Variants in TBXAS1 observed in about 807,000 individuals in gnomAD.
TBXAS1 encodes thromboxane A synthase 1.
TBXAS1 carries 48 observed loss-of-function variants against 60.7 expected under a neutral mutation model. The observed-to-expected ratio is 0.79, with a 90% CI of 0.63 to 1.01. The LOEUF (loss-of-function observed/expected upper bound fraction) is 1.01. Among genes scored for constraint, TBXAS1 ranks in the 50% least tolerant of loss-of-function variants. The pLI is 0.00. For missense variants in TBXAS1, 685 were observed against 686.3 expected, an observed-to-expected ratio of 1.00 and a Z score of 0.02; for synonymous variants, 287 against 269.7, an observed-to-expected ratio of 1.06 and a Z score of -0.63.
At chr7:139,870,112 G>A (rs1801713597) in intron 1 of TBXAS1, among the ~76,000 whole-genome samples, 1 of 152,208 alleles carries the variant, frequency 6.6e-6, no homozygotes, top group African/African-American at 2.4e-5. Context: ...TTTGAGTCGA[G>A]GCTGCAAAGG....
chr7:139,858,050 T>C (rs1585648473), intron 1 of TBXAS1, among the ~76,000 whole-genome samples: 1 of 152,274 alleles, frequency 6.6e-6, no homozygotes, highest in Admixed American at 6.5e-5. Context: ...TGAATTTTCT[T>C]GGGGGTGGGA....
At chr7:139,964,044 T>C (rs1292792694) in intron 9 of TBXAS1, among the ~76,000 whole-genome samples, 2 of 152,172 alleles carry the variant, frequency 1.3e-5, no homozygotes, top group East Asian at 3.9e-4. Context: ...GAAAGAGTCA[T>C]GAGGGTCACT....
intron 9 of TBXAS1, among the ~76,000 whole-genome samples, chr7:139,971,313 T>C (rs1425443991): frequency 6.6e-6 from 1 of 152,054 alleles, no homozygotes. Context: ...ATCTTGGAAG[T>C]TAAGTTTTGT....
intron 9 of TBXAS1, among the ~76,000 whole-genome samples, chr7:139,995,051 A>T (rs972123856): frequency 4.6e-5 from 7 of 152,146 alleles, no homozygotes; most frequent in Non-Finnish European, 8.8e-5. Context: ...AGGCCCTCAG[A>T]TGAGACATTT....
intron 9 of TBXAS1, among the ~76,000 whole-genome samples, chr7:139,994,863 G>A (rs888025750): frequency 3.3e-5 from 5 of 152,188 alleles, no homozygotes; most frequent in East Asian, 1.9e-4. Context: ...TAAATCCATC[G>A]GTGGTCTGCT....
At position 139,955,627 on chromosome 7, in the gene TBXAS1, G is replaced by A. The variant is rs756084929; in HGVS notation, c.688+20G>A. 10 of 1,613,240 alleles carry A rather than the reference G, an allele frequency of 6.2e-6. No homozygotes were observed. Among genetic ancestry groups the A allele is most frequent in the Middle Eastern group, 1.6e-4 (1 of 6,082 alleles). On this transcript the variant is annotated intron_variant, in intron 7 of 12. Coordinates refer to ENST00000448866, the MANE Select transcript of TBXAS1 (RefSeq NM_001061.7). ...TACTCTGTAAGTGCGGCTGCAGCCC[G>A]GGGCGCTGCGATGACTCCAGCAAGT... is the stretch of plus-strand genomic sequence containing the variant.
At chr7:139,822,773 C>A (rs139033292) in intron 4 of TBXAS1, among the ~76,000 whole-genome samples, 7 of 152,066 alleles carry the variant, frequency 4.6e-5, no homozygotes, top group Non-Finnish European at 1.0e-4. Context: ...AAAAACCAGC[C>A]CTCTCTTGCT....
chr7:139,870,020 G>A (rs1385700488), intron 1 of TBXAS1, among the ~76,000 whole-genome samples: 1 of 152,224 alleles, frequency 6.6e-6, no homozygotes, highest in Admixed American at 6.5e-5. Flanking sequence ...TTGAGTTACT[G>A]ATGGCAATAT....
intron 3 of TBXAS1, 89 bp downstream of exon 3, chr7:139,875,726 G>A: frequency 6.8e-7 from 1 of 1,477,876 alleles, no homozygotes; most frequent in Non-Finnish European, 9.4e-7. Flanking sequence ...TGATATAGAA[G>A]AAATGCCAAG....
At chr7:139,938,449 G>T (rs1448877227) in intron 5 of TBXAS1, among the ~76,000 whole-genome samples, 1 of 152,210 alleles carries the variant, frequency 6.6e-6, no homozygotes, top group Non-Finnish European at 1.5e-5. Flanking sequence ...ACAAGGACAT[G>T]AGAGGAAAGG....
chr7:139,883,682 C>A (rs1211249877), intron 3 of TBXAS1, among the ~76,000 whole-genome samples: 1 of 152,182 alleles, frequency 6.6e-6, no homozygotes, highest in Non-Finnish European at 1.5e-5. Context: ...CCCTCTCCAG[C>A]TTTAGTTCTC....
chr7:139,870,790 T>TA (rs1170504871), intron 1 of TBXAS1, among the ~76,000 whole-genome samples: 2 of 152,222 alleles, frequency 1.3e-5, no homozygotes, highest in African/African-American at 4.8e-5. Context: ...GTGACCACTT[T>TA]AAAAATCGAC....
chr7:139,802,144 T>C (rs1181645899), intron 4 of TBXAS1, among the ~76,000 whole-genome samples: 1 of 152,260 alleles, frequency 6.6e-6, no homozygotes, highest in African/African-American at 2.4e-5. Context: ...TCATGGAGTC[T>C]GAGATTTTTA....
chr7:139,984,358 G>A lies in TBXAS1; in HGVS notation c.1134+22125G>A, dbSNP rs548880974. On this transcript the variant is annotated intron_variant, in intron 9 of 12. Transcript: ENST00000448866. Reference sequence around the variant, plus strand: ...GCCATGTCAGAAACCTTAGATTCACGTCCCTTCCATGTGTCCCTTCCACAT... The same window carrying A: ...GCCATGTCAGAAACCTTAGATTCACATCCCTTCCATGTGTCCCTTCCACAT... Among the ~76,000 whole-genome samples the A allele has an allele frequency of 5.3e-5, 8 of 151,348 alleles. No homozygotes were observed. The South Asian group carries it at 1.3e-3, about 24-fold the overall frequency.
intron 4 of TBXAS1, among the ~76,000 whole-genome samples, chr7:139,811,530 G>T (rs7781677): frequency 6.6e-6 from 1 of 152,132 alleles, no homozygotes; most frequent in Non-Finnish European, 1.5e-5. Flanking sequence ...TCCCTGGCAT[G>T]ACTGGGTGTC....
At chr7:139,838,469 T>C (rs1799213314) in intron 1 of TBXAS1, among the ~76,000 whole-genome samples, 1 of 152,230 alleles carries the variant, frequency 6.6e-6, no homozygotes, top group Non-Finnish European at 1.5e-5. Context: ...CTCTTGCCCA[T>C]GTGACCCACT....
At chr7:139,882,293 G>A (rs1584758680) in intron 3 of TBXAS1, among the ~76,000 whole-genome samples, 1 of 152,156 alleles carries the variant, frequency 6.6e-6, no homozygotes, top group South Asian at 2.1e-4. Context: ...GAATACACTG[G>A]GCTTGAACAT....
At chr7:140,001,954 GTC>G (rs1357767566) in intron 9 of TBXAS1, among the ~76,000 whole-genome samples, 1 of 152,108 alleles carries the variant, frequency 6.6e-6, no homozygotes, top group Non-Finnish European at 1.5e-5. Context: ...GGAGATGTGT[GTC>G]TCTCATCTGT....
intron 3 of TBXAS1, among the ~76,000 whole-genome samples, chr7:139,889,173 A>C (rs1386383562): frequency 6.6e-6 from 1 of 152,100 alleles, no homozygotes; most frequent in African/African-American, 2.4e-5. Flanking sequence ...CTCTACAAAA[A>C]ATACCAAAAT....
Sources: allele counts gnomAD v4.1 joint callset (sites outside exome capture counted in the v4.1 genomes callset), GRCh38; gene constraint gnomAD v4.1.1; transcripts MANE v1.5; gene names NCBI Gene and HGNC (gene_info 2026-07-23, HGNC 2026-07-21).